The following POU2F1 variants were observed in gnomAD, a reference collection of about 807,000 sequenced individuals.
POU2F1 encodes the protein POU class 2 homeobox 1, also known as POU domain, class 2, transcription factor 1.
A neutral mutation model predicts 84.9 loss-of-function variants in POU2F1; 16 were observed. That is an observed-to-expected ratio of 0.19 (90% CI 0.13 to 0.29). The LOEUF (loss-of-function observed/expected upper bound fraction) is 0.29, where lower values mean the gene tolerates loss of function less well. Among genes scored for constraint, POU2F1 ranks in the 10% least tolerant of loss-of-function variants. POU2F1 has a pLI of 1.00. For missense variants in POU2F1, 738 were observed against 942.6 expected, an observed-to-expected ratio of 0.78 and a Z score of 2.84; for synonymous variants, 368 against 368.3, an observed-to-expected ratio of 1.00 and a Z score of 0.01.
chr1:167,233,920 G>A (rs1435512638), intron 1 of POU2F1, among the ~76,000 whole-genome samples: 1 of 152,196 alleles, frequency 6.6e-6, no homozygotes, highest in East Asian at 1.9e-4. Context: ...GCCAGTTGTT[G>A]TACTAAATGC....
intron 1 of POU2F1, among the ~76,000 whole-genome samples, chr1:167,224,234 C>A (rs1459016177): frequency 6.6e-6 from 1 of 152,068 alleles, no homozygotes; most frequent in Non-Finnish European, 1.5e-5. Context: ...ATAGAAGTGA[C>A]CCATATAAAT....
In POU2F1 at chr1:167,399,311, T is replaced by G; in HGVS notation, c.1395T>G (p.Ser465Arg). 6.2e-7 allele frequency: 1 copy of G among 1,614,106 alleles called. No homozygotes were observed. The highest frequency in any genetic ancestry group is 8.5e-7 in the Non-Finnish European group (1 of 1,179,998). ...AAAAAAGAATCAACCCACCAAGCAG[T>G]GGTGGGACCAGCAGCTCACCTATTA... ...QKEKRINPPS[S>R]GGTSSSPIKA... Residue 465 changes from serine (S) to arginine (R), a missense_variant, in exon 12 of 16, where the codon AGT (serine) becomes AGG (arginine). Physicochemically the swap from Ser to Arg is moderately radical, Grantham distance 110 (BLOSUM62 -1). Coordinates refer to ENST00000367866, the MANE Select transcript of POU2F1 (RefSeq NM_002697.4).
chr1:167,302,110 C>T (rs997674082), intron 1 of POU2F1, among the ~76,000 whole-genome samples: 3 of 151,938 alleles, frequency 2.0e-5, no homozygotes, highest in African/African-American at 7.3e-5. Context: ...CTCTGTCACC[C>T]AGGCAGGCCG....
intron 13 of POU2F1, among the ~76,000 whole-genome samples, chr1:167,401,771 G>A (rs1649224866): frequency 6.6e-6 from 1 of 152,234 alleles, no homozygotes; most frequent in Non-Finnish European, 1.5e-5. Flanking sequence ...GTCAATTCGT[G>A]AAGGTTATTT....
At chr1:167,354,579 C>T (rs1328418436) in intron 2 of POU2F1, among the ~76,000 whole-genome samples, 2 of 152,030 alleles carry the variant, frequency 1.3e-5, no homozygotes, top group Non-Finnish European at 2.9e-5. Flanking sequence ...GGTGTGAGTA[C>T]CCAGAGTATT....
chr1:167,230,180 G>A (rs894118835), intron 1 of POU2F1, among the ~76,000 whole-genome samples: 1 of 152,096 alleles, frequency 6.6e-6, no homozygotes. Flanking sequence ...ACCTGAATGT[G>A]TACCCAGTGT....
chr1:167,273,478 C>T (rs1430177379), intron 1 of POU2F1, among the ~76,000 whole-genome samples: 1 of 152,228 alleles, frequency 6.6e-6, no homozygotes, highest in African/African-American at 2.4e-5. Flanking sequence ...TCCATACATC[C>T]TCTGAAATCT....
At chr1:167,373,142 T>C (rs147269409) in intron 5 of POU2F1, among the ~76,000 whole-genome samples, 2 of 152,294 alleles carry the variant, frequency 1.3e-5, no homozygotes, top group African/African-American at 2.4e-5. Flanking sequence ...GTTTTGAGCC[T>C]TATGTTTCTA....
At chr1:167,367,441 A>G (rs1659755102) in intron 3 of POU2F1, among the ~76,000 whole-genome samples, 1 of 152,230 alleles carries the variant, frequency 6.6e-6, no homozygotes, top group Non-Finnish European at 1.5e-5. Context: ...TAAATGGTCA[A>G]GTATGAGACT....
intron 2 of POU2F1, among the ~76,000 whole-genome samples, chr1:167,352,992 A>G (rs187852245): frequency 6.6e-6 from 1 of 152,332 alleles, no homozygotes; most frequent in East Asian, 1.9e-4. Flanking sequence ...GCTGAGTAAT[A>G]TGAACTGTTC....
chr1:167,307,079 C>G (rs1655121789), intron 1 of POU2F1, among the ~76,000 whole-genome samples: 2 of 152,142 alleles, frequency 1.3e-5, no homozygotes, highest in African/African-American at 4.8e-5. Flanking sequence ...TTTTCTAATA[C>G]TGGCTTATGT....
At chr1:167,343,257 G>A (rs987221581) in intron 2 of POU2F1, among the ~76,000 whole-genome samples, 1 of 152,132 alleles carries the variant, frequency 6.6e-6, no homozygotes, top group Non-Finnish European at 1.5e-5. Context: ...GACTGAATAA[G>A]CAATTGATCT....
In POU2F1 at chr1:167,416,018, CT is replaced by C. The variant is rs1200824965; in HGVS notation, c.*209del. Reference sequence around the variant, plus strand: ...GAAAGGATGGAGACGGAACATTTGCCTAATTTTGTAATAAAACACTGTCTTT... The same window carrying C: ...GAAAGGATGGAGACGGAACATTTGCCAATTTTGTAATAAAACACTGTCTTT... On this transcript the variant is annotated 3_prime_UTR_variant, in exon 16 of 16. Transcript: ENST00000367866. The C allele has an allele frequency of 9.1e-6, 6 of 656,454 alleles. No individual in the cohort carries two copies. Among genetic ancestry groups the C allele is most frequent in the Non-Finnish European group, 1.6e-5 (6 of 373,636 alleles). 40.7% of individuals were successfully genotyped at this position (656,454 alleles called of 1,614,324 possible). A position where few individuals can be genotyped will look rare whatever the true frequency, so the allele number is the denominator to read the frequency against.
At chr1:167,367,235 G>C (rs1659738582) in intron 3 of POU2F1, among the ~76,000 whole-genome samples, 1 of 152,146 alleles carries the variant, frequency 6.6e-6, no homozygotes, top group South Asian at 2.1e-4. Flanking sequence ...GACAGAATTA[G>C]CACCTTGAAC....
chr1:167,343,912 G>T (rs935660544), intron 2 of POU2F1, among the ~76,000 whole-genome samples: 4 of 151,750 alleles, frequency 2.6e-5, no homozygotes, highest in African/African-American at 9.7e-5. Context: ...GAGGAGAGGT[G>T]TAAGAGTCTT....
At chr1:167,221,297 C>G (rs1044278023) in intron 1 of POU2F1, among the ~76,000 whole-genome samples, 10 of 150,926 alleles carry the variant, frequency 6.6e-5, no homozygotes, top group East Asian at 2.0e-4. Context: ...CCGCCGTGCC[C>G]GAACCCGAGC....
chr1:167,416,177 C>CA lies in POU2F1; in HGVS notation c.*369dup, dbSNP rs992275801. On this transcript the variant is annotated 3_prime_UTR_variant, in exon 16 of 16. Coordinates refer to ENST00000367866, the MANE Select transcript of POU2F1 (RefSeq NM_002697.4). ...TTATCATTTCCAGCAGTCATGATGA[C>CA]AAGTTAAGGTGGGTTACCAATTCCA... is the stretch of plus-strand genomic sequence containing the variant. 2 of 350,942 alleles carry CA rather than the reference C, an allele frequency of 5.7e-6. No homozygotes were observed. Among genetic ancestry groups the CA allele is most frequent in the Non-Finnish European group, 1.1e-5 (2 of 187,884 alleles). 21.7% of individuals were successfully genotyped at this position (350,942 alleles called of 1,614,324 possible). A position where few individuals can be genotyped will look rare whatever the true frequency, so the allele number is the denominator to read the frequency against.
chr1:167,318,172 A>T (rs1176916705), intron 1 of POU2F1, among the ~76,000 whole-genome samples: 1 of 152,060 alleles, frequency 6.6e-6, no homozygotes, highest in Non-Finnish European at 1.5e-5. Flanking sequence ...ATGCTTTTTT[A>T]TTCTTTCCCA....
chr1:167,299,144 C>G (rs986856257), intron 1 of POU2F1, among the ~76,000 whole-genome samples: 1 of 93,406 alleles, frequency 1.1e-5, no homozygotes, highest in African/African-American at 4.4e-5. Context: ...GCCTGGACAA[C>G]AAGAGTGAAA....
Sources: gnomAD v4.1 joint callset for allele counts (sites outside exome capture counted in the v4.1 genomes callset) on GRCh38, gnomAD v4.1.1 for gene constraint, MANE v1.5 for transcripts, NCBI Gene and HGNC (gene_info 2026-07-23, HGNC 2026-07-21) for gene names.